CACNA1D: variants seen among roughly 807,000 people sequenced by gnomAD.
CACNA1D encodes voltage-dependent L-type calcium channel subunit alpha-1D.
Under a neutral mutation model 257.1 loss-of-function variants are expected in CACNA1D, and 55 were observed. The ratio of observed to expected loss-of-function variants is 0.21; its 90% CI spans 0.17 to 0.27. The LOEUF is 0.27. Among genes scored for constraint, CACNA1D ranks in the 10% least tolerant of loss-of-function variants. CACNA1D has a pLI of 1.00. For missense variants in CACNA1D, 1,876 were observed against 2,784.0 expected (o/e 0.67, Z 7.34); for synonymous variants, 980 against 1,014.9 (o/e 0.97, Z 0.65).
intron 3 of CACNA1D, among the ~76,000 whole-genome samples, chr3:53,521,772 A>G (rs1236976264): frequency 6.6e-6 from 1 of 152,064 alleles, no homozygotes; most frequent in Non-Finnish European, 1.5e-5. Flanking sequence ...GTCACTGGCC[A>G]CATGTCATTA....
chr3:53,619,649 C>T (rs550401235), intron 3 of CACNA1D, among the ~76,000 whole-genome samples: 29 of 152,298 alleles, frequency 1.9e-4, no homozygotes, highest in Middle Eastern at 3.4e-3. Flanking sequence ...TCTCCTTCCT[C>T]GGCATTGGGA....
intron 8 of CACNA1D, among the ~76,000 whole-genome samples, chr3:53,691,762 T>TATATAATATATATTAC (rs2094524510): frequency 5.4e-5 from 6 of 111,144 alleles, no homozygotes; most frequent in African/African-American, 2.1e-4. Context: ...ATATATTACA[T>TATATAATATATATTAC]ATAATATATA....
At chr3:53,682,432 C>A (rs994398372) in intron 8 of CACNA1D, among the ~76,000 whole-genome samples, 18 of 141,748 alleles carry the variant, frequency 1.3e-4, no homozygotes, top group Non-Finnish European at 2.3e-4. Flanking sequence ...TGGTGTGTGC[C>A]TATAGTCCCA....
At chr3:53,580,139 A>G (rs911113369) in intron 3 of CACNA1D, among the ~76,000 whole-genome samples, 2 of 152,228 alleles carry the variant, frequency 1.3e-5, no homozygotes, top group Non-Finnish European at 2.9e-5. Context: ...GTAACTTGGT[A>G]CCATTCAGAT....
intron 27 of CACNA1D, among the ~76,000 whole-genome samples, chr3:53,750,146 G>A (rs1302344388): frequency 6.6e-6 from 1 of 152,208 alleles, no homozygotes; most frequent in African/African-American, 2.4e-5. Context: ...ATCTGACACC[G>A]TGTTTTAGCC....
chr3:53,662,174 G>A (rs2094209955), intron 5 of CACNA1D, among the ~76,000 whole-genome samples: 1 of 152,192 alleles, frequency 6.6e-6, no homozygotes, highest in Admixed American at 6.5e-5. Flanking sequence ...AATCCAGACT[G>A]TTCTGTAAGA....
chr3:53,740,378 G>A (rs767523725), intron 21 of CACNA1D, 39 bp downstream of exon 21: 12 of 1,346,278 alleles, frequency 8.9e-6, no homozygotes, highest in Non-Finnish European at 1.3e-5. Context: ...CTCCACAGCA[G>A]CTGGAGCAAT....
chr3:53,567,911 A>C (rs2092874979), intron 3 of CACNA1D, among the ~76,000 whole-genome samples: 1 of 152,130 alleles, frequency 6.6e-6, no homozygotes, highest in Non-Finnish European at 1.5e-5. Flanking sequence ...GAGACTGAGG[A>C]GTTCTCATTG....
At chr3:53,523,911 T>C (rs985617336) in intron 3 of CACNA1D, among the ~76,000 whole-genome samples, 1 of 152,246 alleles carries the variant, frequency 6.6e-6, no homozygotes, top group Non-Finnish European at 1.5e-5. Context: ...CTGAGAGCCT[T>C]GAGGGCAAGG....
chr3:53,533,277 G>T (rs1426691812), intron 3 of CACNA1D, among the ~76,000 whole-genome samples: 1 of 152,030 alleles, frequency 6.6e-6, no homozygotes, highest in Non-Finnish European at 1.5e-5. Flanking sequence ...TAGTCTTATT[G>T]TTTATTGTAT....
At chr3:53,560,654 C>T (rs999011304) in intron 3 of CACNA1D, among the ~76,000 whole-genome samples, 2 of 152,310 alleles carry the variant, frequency 1.3e-5, no homozygotes, top group Admixed American at 6.5e-5. Context: ...AAAGCAACCA[C>T]GAACAATACA....
intron 20 of CACNA1D, among the ~76,000 whole-genome samples, chr3:53,736,972 T>C (rs1041603437): frequency 7.2e-5 from 11 of 151,820 alleles, no homozygotes; most frequent in Non-Finnish European, 1.3e-4. Flanking sequence ...TCCATGGGTT[T>C]GGCATCCATG....
chr3:53,588,011 A>G (rs1178451283), intron 3 of CACNA1D, among the ~76,000 whole-genome samples: 1 of 152,164 alleles, frequency 6.6e-6, no homozygotes, highest in African/African-American at 2.4e-5. Flanking sequence ...GCATTTCACA[A>G]TAAGAAATAA....
At chr3:53,737,299 A>G (rs964675534) in intron 20 of CACNA1D, among the ~76,000 whole-genome samples, 3 of 152,202 alleles carry the variant, frequency 2.0e-5, no homozygotes, top group Non-Finnish European at 4.4e-5. Flanking sequence ...TTTTGGGGGA[A>G]AAAATGTACT....
At position 53,793,933 on chromosome 3, in the gene CACNA1D, A is replaced by G. The variant is rs1172223119; in HGVS notation, c.4924-6316A>G. ...ACACACAGCAAACTTGGCACCCCCA[A>G]CACCAGCATCCATAGGCTAAACTCT... On this transcript the variant is annotated intron_variant, in intron 40 of 47. Coordinates refer to ENST00000350061, the MANE Select transcript of CACNA1D (RefSeq NM_001128840.3). This position sits in a 1 kb window ranked among gnomAD's most constrained non-coding sequence, Gnocchi z 4.1. 6.6e-6 allele frequency among the ~76,000 whole-genome samples: 1 copy of G among 152,202 alleles called. No homozygotes were observed. The highest frequency in any genetic ancestry group is 2.4e-5 in the African/African-American group (1 of 41,444).
At chr3:53,510,870 G>A (rs2091077280) in intron 3 of CACNA1D, among the ~76,000 whole-genome samples, 1 of 152,212 alleles carries the variant, frequency 6.6e-6, no homozygotes, top group Non-Finnish European at 1.5e-5. Flanking sequence ...TTTTGCACCA[G>A]TGACCAGATA....
intron 3 of CACNA1D, among the ~76,000 whole-genome samples, chr3:53,595,674 A>T (rs1260450749): frequency 1.3e-5 from 2 of 152,124 alleles, no homozygotes; most frequent in Non-Finnish European, 2.9e-5. Context: ...GTTTCTACTG[A>T]CACCTGCCTG....
At chr3:53,499,450 C>T (rs969332071) in intron 2 of CACNA1D, among the ~76,000 whole-genome samples, 2 of 152,068 alleles carry the variant, frequency 1.3e-5, no homozygotes, top group South Asian at 4.1e-4. Context: ...TTTGTTTTTA[C>T]AGACAGGCAT....
At chr3:53,798,659 A>T (rs888423520) in intron 40 of CACNA1D, among the ~76,000 whole-genome samples, 1 of 152,168 alleles carries the variant, frequency 6.6e-6, no homozygotes, top group Non-Finnish European at 1.5e-5. Context: ...TTTTTAGCAG[A>T]ATTGTCTCAA....
Sources: gnomAD v4.1 joint callset for allele counts (sites outside exome capture counted in the v4.1 genomes callset) on GRCh38, gnomAD v4.1.1 for gene constraint, Gnocchi (gnomAD v3.1) non-coding constraint, MANE v1.5 for transcripts, NCBI Gene and HGNC (gene_info 2026-07-23, HGNC 2026-07-21) for gene names.